The following PCF11 variants were observed in gnomAD, a reference collection of about 807,000 sequenced individuals.
The protein encoded by PCF11 is PCF11 cleavage and polyadenylation factor subunit.
A neutral mutation model predicts 166.1 loss-of-function variants in PCF11; 19 were observed. The ratio of observed to expected loss-of-function variants is 0.11; its 90% CI spans 0.08 to 0.17. The LOEUF (loss-of-function observed/expected upper bound fraction) is 0.17. Ranked by LOEUF, PCF11 falls within the 10% of genes least tolerant of loss-of-function variation. PCF11 has a pLI of 1.00. For synonymous variants in PCF11, 663 were observed against 644.1 expected, an observed-to-expected ratio of 1.03 and a Z score of -0.44; for missense variants, 1,565 against 1,855.5, an observed-to-expected ratio of 0.84 and a Z score of 2.88.
exon 5 of PCF11, chr11:83,166,411 G>A (rs772826196): frequency 3.1e-6 from 5 of 1,613,906 alleles, no homozygotes; most frequent in Non-Finnish European, 4.2e-6. Flanking sequence ...TCACCCAAAC[G>A]AAGGCAAAGA....
intron 11 of PCF11, among the ~76,000 whole-genome samples, chr11:83,179,230 A>AT (rs1258147335): frequency 6.7e-6 from 1 of 150,352 alleles, no homozygotes; most frequent in Non-Finnish European, 1.5e-5. Context: ...TTTTCAAACT[A>AT]TTTTTTCTGC....
intron 11 of PCF11, among the ~76,000 whole-genome samples, chr11:83,179,121 A>G (rs571311496): frequency 2.0e-5 from 3 of 151,562 alleles, no homozygotes; most frequent in Admixed American, 2.0e-4. Flanking sequence ...TTTTTTTTTC[A>G]AAGTAATACT....
intron 5 of PCF11, 112 bp downstream of exon 5, chr11:83,166,826 C>G: frequency 1.1e-6 from 1 of 874,242 alleles, no homozygotes; most frequent in Non-Finnish European, 1.8e-6. Context: ...TTTTTTCCAT[C>G]TAATTCTTAC....
intron 11 of PCF11, chr11:83,180,596 A>G (rs1415971535): frequency 2.0e-5 from 3 of 152,576 alleles, no homozygotes; most frequent in African/African-American, 7.3e-5. Flanking sequence ...TCCTTTTTTC[A>G]CTGTTACACC....
At chr11:83,185,504 TCA>T (rs1241287483) in exon 16 of PCF11, 1 of 152,538 alleles carries the variant, frequency 6.6e-6, no homozygotes, top group Non-Finnish European at 1.5e-5. Context: ...ATCCAGATGT[TCA>T]CTTTTGAAAA....
At chr11:83,158,887 C>T (rs1270091890) in intron 1 of PCF11, 1 of 152,090 alleles carries the variant, frequency 6.6e-6, no homozygotes, top group Non-Finnish European at 1.5e-5. Context: ...ATGTATTTGT[C>T]TTTTTTATTT....
intron 13 of PCF11, 68 bp downstream of exon 13, chr11:83,182,077 T>G: frequency 8.2e-7 from 1 of 1,221,582 alleles, no homozygotes. Context: ...TAAATACTCA[T>G]AAACACATCA....
At chr11:83,168,966 G>C in exon 8 of PCF11, 1 of 1,613,650 alleles carries the variant, frequency 6.2e-7, no homozygotes, top group Non-Finnish European at 8.5e-7. Context: ...GTGGTCTGAG[G>C]TTTGAGGGAC....
intron 13 of PCF11, 84 bp from the exon 14 acceptor site, chr11:83,182,315 A>G (rs1861111548): frequency 1.4e-6 from 1 of 730,448 alleles, no homozygotes; most frequent in Non-Finnish European, 2.3e-6. Flanking sequence ...TCTTTACTCC[A>G]CTTAACAGTG....
rs1320160333 is a variant in PCF11 at position 83,167,401 on chromosome 11, T to C, written c.2002-14T>C. The C allele has an allele frequency of 1.9e-6, 3 of 1,542,352 alleles. No individual in the cohort carries two copies. The highest frequency in any genetic ancestry group is 2.6e-6 in the Non-Finnish European group (3 of 1,150,030). The stretch of plus-strand genomic sequence containing the variant: ...ATTTAAAATATTTTATTTCCTTTTA[T>C]CACCCCTATACAGACGAGTGAACGT... On this transcript the variant is annotated splice_polypyrimidine_tract_variant and intron_variant, in intron 6 of 15. Transcript: ENST00000298281. This position sits in a 1 kb window ranked among gnomAD's most constrained non-coding sequence, Gnocchi z 4.2.
intron 9 of PCF11, among the ~76,000 whole-genome samples, chr11:83,173,472 CA>C (rs1054255297): frequency 7.2e-5 from 10 of 138,822 alleles, no homozygotes; most frequent in East Asian, 4.1e-4. Context: ...AACCAAAAAC[CA>C]AAAAAAAAAC....
In PCF11 at chr11:83,167,602, A is replaced by G. The variant is rs879207731; in HGVS notation, c.2092+97A>G. ...TTATCTGATGCTGAATTAACCTACTATGAACATAAAGCAAAACTGAAAAGG... is the reference window on the plus strand; with the variant it reads ...TTATCTGATGCTGAATTAACCTACTGTGAACATAAAGCAAAACTGAAAAGG... On this transcript the variant is annotated intron_variant, in intron 7 of 15. Coordinates refer to ENST00000298281, the Ensembl canonical transcript of PCF11. The surrounding 1 kb of genome is among the most constrained non-coding windows in gnomAD (Gnocchi z 4.2). 1.9e-6 allele frequency: 3 copies of G among 1,543,120 alleles called. No homozygotes were observed. Among genetic ancestry groups the G allele is most frequent in the African/African-American group, 1.4e-5 (1 of 73,142 alleles).
chr11:83,177,598 A>G, intron 10 of PCF11, 116 bp from the exon 11 acceptor site: 1 of 463,370 alleles, frequency 2.2e-6, no homozygotes, highest in Non-Finnish European at 3.8e-6. Flanking sequence ...TTGAGATCAG[A>G]AGCACTGAAT....
chr11:83,173,059 A>G (rs1313186098), intron 9 of PCF11, among the ~76,000 whole-genome samples: 2 of 152,238 alleles, frequency 1.3e-5, no homozygotes, highest in Non-Finnish European at 2.9e-5. Flanking sequence ...AGAATTTGGG[A>G]TCTAAAGCCC....
intron 12 of PCF11, among the ~76,000 whole-genome samples, chr11:83,181,600 T>G (rs1248352063): frequency 6.8e-6 from 1 of 146,624 alleles, no homozygotes; most frequent in Non-Finnish European, 1.5e-5. Context: ...GGACTGTTTT[T>G]TGTAAAAAAA....
chr11:83,176,553 G>C (rs12049881), intron 9 of PCF11, among the ~76,000 whole-genome samples: 15,282 of 152,110 alleles, frequency 0.1, 921 homozygotes, highest in Middle Eastern at 0.21. Flanking sequence ...GGATGAAGCA[G>C]GAAACCATCA....
chr11:83,186,579 ATT>A (rs1861299471), exon 16 of PCF11: 1 of 152,192 alleles, frequency 6.6e-6, no homozygotes, highest in East Asian at 1.9e-4. Context: ...ATGCTAAGGA[ATT>A]TTTATTAAAC....
chr11:83,182,059 C>A (rs1436182355), intron 13 of PCF11, 50 bp downstream of exon 13: 2 of 1,469,546 alleles, frequency 1.4e-6, no homozygotes, highest in Non-Finnish European at 1.8e-6. Context: ...TCCCTCACTT[C>A]CTTTATGTAA....
chr11:83,167,968 T>C lies in PCF11; in HGVS notation c.2093-460T>C. The stretch of plus-strand genomic sequence containing the variant: ...GTGAAGGGAAAATGAACAAGCTAAG[T>C]GGGGATGGATTTTTGTGACTGTTCA... On this transcript the variant is annotated intron_variant, in intron 7 of 15. Transcript: ENST00000298281. This position sits in a 1 kb window ranked among gnomAD's most constrained non-coding sequence, Gnocchi z 4.2. The C allele has an allele frequency of 4.4e-6, 5 of 1,145,914 alleles. No individual in the cohort carries two copies. The highest frequency in any genetic ancestry group is 5.6e-6 in the Non-Finnish European group (5 of 894,322). 71.0% of individuals were successfully genotyped at this position (1,145,914 alleles called of 1,614,324 possible).
Sources: allele counts gnomAD v4.1 joint callset (sites outside exome capture counted in the v4.1 genomes callset), GRCh38; gene constraint gnomAD v4.1.1; non-coding constraint Gnocchi (gnomAD v3.1); transcripts MANE v1.5; gene names NCBI Gene and HGNC (gene_info 2026-07-23, HGNC 2026-07-21).